The following JAZF1 variants were observed in gnomAD, a reference collection of about 807,000 sequenced individuals.
JAZF1 encodes juxtaposed with another zinc finger protein 1.
JAZF1 carries 8 observed loss-of-function variants against 26.4 expected under a neutral mutation model. The observed-to-expected ratio is 0.30, with a 90% confidence interval of 0.18 to 0.55. The LOEUF is 0.55. Ranked by LOEUF, JAZF1 falls within the 20% of genes least tolerant of loss-of-function variation. JAZF1 has a pLI of 0.94. For synonymous variants in JAZF1, 126 were observed against 122.3 expected (o/e 1.03, Z -0.20); for missense variants, 199 against 322.0 (o/e 0.62, Z 2.92).
At chr7:27,920,871 T>G (rs149855728) in intron 2 of JAZF1, among the ~76,000 whole-genome samples, 1 of 152,250 alleles carries the variant, frequency 6.6e-6, no homozygotes, top group African/African-American at 2.4e-5. Flanking sequence ...ATTAATTTCC[T>G]AATGTAAAAC....
intron 3 of JAZF1, among the ~76,000 whole-genome samples, chr7:27,850,813 ATT>A (rs111342674): frequency 1.3e-4 from 18 of 140,000 alleles, no homozygotes; most frequent in Admixed American, 2.2e-4. Flanking sequence ...CTGAAGGACC[ATT>A]TTTTTTTTTT....
intron 1 of JAZF1, among the ~76,000 whole-genome samples, chr7:28,016,518 G>T (rs958162889): frequency 1.3e-5 from 2 of 152,176 alleles, no homozygotes; most frequent in Non-Finnish European, 2.9e-5. Context: ...TTTGCCTTGG[G>T]TCTCACCCAG....
At chr7:27,972,413 C>G (rs62451158) in intron 2 of JAZF1, among the ~76,000 whole-genome samples, 15,192 of 152,164 alleles carry the variant, frequency 0.1, 810 homozygotes, top group South Asian at 0.14. Flanking sequence ...GGAACCCCAA[C>G]TCTTTTAGGG....
At position 27,988,688 on chromosome 7, in the gene JAZF1, G is replaced by T. The variant is rs187937559; in HGVS notation, c.188+3221C>A. Among the ~76,000 whole-genome samples the T allele has an allele frequency of 1.2e-3, 179 of 151,486 alleles. 1 individual carries two copies. The highest frequency in any genetic ancestry group is 3.4e-3 in the Middle Eastern group (1 of 294). ...TTAAAAGACCTTGCCAATGTCATAG[G>T]TAAAAAAAATAGCATATCATTGTTT... On this transcript the variant is annotated intron_variant, in intron 2 of 4. Transcript: ENST00000283928.
intron 1 of JAZF1, among the ~76,000 whole-genome samples, chr7:28,014,608 T>C (rs1276485285): frequency 6.6e-6 from 1 of 152,240 alleles, no homozygotes; most frequent in Non-Finnish European, 1.5e-5. Context: ...CCTTCCACCA[T>C]GATTGTGAGA....
intron 1 of JAZF1, among the ~76,000 whole-genome samples, chr7:28,058,103 T>C (rs1472517796): frequency 2.0e-5 from 3 of 152,064 alleles, no homozygotes; most frequent in Non-Finnish European, 2.9e-5. Flanking sequence ...TTTGCCAGTG[T>C]GTGAGGGGCT....
chr7:27,950,702 C>T (rs186463820), intron 2 of JAZF1, among the ~76,000 whole-genome samples: 1 of 152,122 alleles, frequency 6.6e-6, no homozygotes, highest in Non-Finnish European at 1.5e-5. Context: ...GTCCAAGGGA[C>T]CTACAGAGTG....
chr7:28,143,856 A>G (rs1782990920), intron 1 of JAZF1, among the ~76,000 whole-genome samples: 1 of 152,176 alleles, frequency 6.6e-6, no homozygotes, highest in African/African-American at 2.4e-5. Flanking sequence ...CATGTTTATT[A>G]TTTTATTATC....
At position 28,165,451 on chromosome 7, in the gene JAZF1, T is replaced by G. The variant is rs75909523; in HGVS notation, c.115+15012A>C. Among the ~76,000 whole-genome samples the G allele has an allele frequency of 0.012, 1,890 of 152,230 alleles. 127 individuals are homozygous for G. In the East Asian group the frequency reaches 0.22, roughly 18 times the overall value. ...ATTTGAATGTTATAAAAAAGCAGAA[T>G]GGAAACTAACCATAACGAAGTCACA... On this transcript the variant is annotated intron_variant, in intron 1 of 4. Transcript: ENST00000283928.
At chr7:27,875,407 TA>T (rs1783660828) in intron 3 of JAZF1, among the ~76,000 whole-genome samples, 1 of 152,160 alleles carries the variant, frequency 6.6e-6, no homozygotes, top group South Asian at 2.1e-4. Flanking sequence ...AATAACCTTT[TA>T]AAAATGTGAA....
chr7:27,944,799 T>C (rs1182307528), intron 2 of JAZF1, among the ~76,000 whole-genome samples: 1 of 152,108 alleles, frequency 6.6e-6, no homozygotes, highest in Non-Finnish European at 1.5e-5. Flanking sequence ...GGAGTATGAC[T>C]GAAGCCAGCC....
intron 1 of JAZF1, among the ~76,000 whole-genome samples, chr7:28,165,204 C>A (rs1783350276): frequency 6.6e-6 from 1 of 152,148 alleles, no homozygotes; most frequent in East Asian, 1.9e-4. Flanking sequence ...AAAACAACAA[C>A]CTTATTTTTC....
At chr7:27,896,084 G>A (rs1213627246) in intron 2 of JAZF1, among the ~76,000 whole-genome samples, 1 of 152,152 alleles carries the variant, frequency 6.6e-6, no homozygotes, top group African/African-American at 2.4e-5. Flanking sequence ...CCAGAAGAAG[G>A]GAAGAGAGCA....
intron 1 of JAZF1, among the ~76,000 whole-genome samples, chr7:28,000,438 G>A (rs1312562218): frequency 5.3e-5 from 8 of 152,042 alleles, no homozygotes; most frequent in Non-Finnish European, 1.2e-4. Context: ...AAAACTACAC[G>A]AATATTATGA....
At chr7:28,023,868 TTAAGAAA>T (rs1783046747) in intron 1 of JAZF1, among the ~76,000 whole-genome samples, 1 of 152,202 alleles carries the variant, frequency 6.6e-6, no homozygotes, top group Non-Finnish European at 1.5e-5. Context: ...AAATGCTTCA[TTAAGAAA>T]TGAGCACCTA....
At chr7:27,934,482 CA>C (rs1293371554) in intron 2 of JAZF1, among the ~76,000 whole-genome samples, 122 of 152,128 alleles carry the variant, frequency 8.0e-4, no homozygotes, top group Middle Eastern at 6.8e-3. Context: ...CACACACACA[CA>C]CACCCCATAT....
At chr7:28,137,439 G>C (rs903249719) in intron 1 of JAZF1, among the ~76,000 whole-genome samples, 2 of 152,104 alleles carry the variant, frequency 1.3e-5, no homozygotes, top group African/African-American at 2.4e-5. Flanking sequence ...CAACCCTGCG[G>C]CATTCCAAAA....
At chr7:27,961,152 T>C (rs1785179706) in intron 2 of JAZF1, among the ~76,000 whole-genome samples, 1 of 152,242 alleles carries the variant, frequency 6.6e-6, no homozygotes. Context: ...ACTTATTTAG[T>C]ACTTATAACA....
At chr7:28,056,478 TAAG>T (rs1305369444) in intron 1 of JAZF1, among the ~76,000 whole-genome samples, 2 of 118,488 alleles carry the variant, frequency 1.7e-5, no homozygotes, top group Non-Finnish European at 3.6e-5. Flanking sequence ...ACACACACAA[TAAG>T]AAAGAAATTC....
Sources: gnomAD v4.1 joint callset for allele counts (sites outside exome capture counted in the v4.1 genomes callset) on GRCh38, gnomAD v4.1.1 for gene constraint, MANE v1.5 for transcripts, NCBI Gene and HGNC (gene_info 2026-07-23, HGNC 2026-07-21) for gene names.